Variants in ZNF592 observed in about 807,000 individuals in gnomAD.
ZNF592 encodes spinocerebellar ataxia, autosomal recessive 5.
In ZNF592, 11 loss-of-function variants were observed where a neutral mutation model predicts 80.3. The observed-to-expected ratio is 0.14, with a 90% CI of 0.09 to 0.23. ZNF592 has a LOEUF of 0.23. Among genes scored for constraint, ZNF592 ranks in the 10% least tolerant of loss-of-function variants. The pLI, the probability that ZNF592 is intolerant of heterozygous loss-of-function variation, is 1.00. For synonymous variants in ZNF592, 646 were observed against 640.3 expected (o/e 1.01, Z -0.13); for missense variants, 1,420 against 1,633.9 (o/e 0.87, Z 2.26).
Position 84,799,258 on chromosome 15 carries a change from C to T in ZNF592, c.3137+48C>T, listed in dbSNP as rs1963025348. On this transcript the variant is annotated intron_variant, in intron 9 of 10. Coordinates refer to ENST00000560079, the MANE Select transcript of ZNF592 (RefSeq NM_014630.3). The surrounding 1 kb of genome is among the most constrained non-coding windows in gnomAD (Gnocchi z 4.2). ...GAGGAGGCCTGAGGTTCAAAAGACT[C>T]TGTCCGTGGCACCACTGGGGCTTTT... is the stretch of plus-strand genomic sequence containing the variant. 6.4e-7 allele frequency: 1 copy of T among 1,559,764 alleles called. No homozygotes were observed. Among genetic ancestry groups the T allele is most frequent in the Non-Finnish European group, 8.8e-7 (1 of 1,130,604 alleles).
intron 1 of ZNF592, among the ~76,000 whole-genome samples, chr15:84,752,095 C>CA (rs1173189162): frequency 6.6e-6 from 1 of 152,140 alleles, no homozygotes; most frequent in East Asian, 1.9e-4. Context: ...GAAATATCCA[C>CA]GTTGCATCTC....
chr15:84,754,954 C>A (rs951531657), intron 1 of ZNF592, among the ~76,000 whole-genome samples: 2 of 149,142 alleles, frequency 1.3e-5, no homozygotes, highest in African/African-American at 4.9e-5. Context: ...TATTGCAATC[C>A]CCTGAGTTGT....
chr15:84,755,618 C>T (rs1899147769), intron 1 of ZNF592, among the ~76,000 whole-genome samples: 1 of 152,144 alleles, frequency 6.6e-6, no homozygotes, highest in Non-Finnish European at 1.5e-5. Context: ...GTGGTTTTTA[C>T]TTTATTCTTA....
In ZNF592 at chr15:84,796,041, G is replaced by A. The variant is rs566456234; in HGVS notation, c.2400-1828G>A. ...GTTCAAGACCAGCGCGGCCAACATG[G>A]TGAAACCCCGTCTCTACTAAAAATA... On this transcript the variant is annotated intron_variant, in intron 5 of 10. Coordinates refer to ENST00000560079, the MANE Select transcript of ZNF592 (RefSeq NM_014630.3). Among the ~76,000 whole-genome samples the A allele has an allele frequency of 3.3e-5, 5 of 151,410 alleles. No individual in the cohort carries two copies. In the East Asian group the frequency reaches 9.7e-4, roughly 29 times the overall value.
chr15:84,785,075 A>T (rs1962552401), intron 4 of ZNF592, among the ~76,000 whole-genome samples, 180 bp downstream of exon 4: 1 of 152,174 alleles, frequency 6.6e-6, no homozygotes, highest in Non-Finnish European at 1.5e-5. Flanking sequence ...TCCTGCCCAT[A>T]CTGAGGTGAG....
Position 84,798,797 on chromosome 15 carries a change from C to T in ZNF592, c.2946C>T (p.Gly982=). Residue 982 remains glycine, a synonymous_variant, in exon 8 of 11, where the codon GGC becomes GGT. Transcript: ENST00000560079. This position sits in a 1 kb window ranked among gnomAD's most constrained non-coding sequence, Gnocchi z 4.5. ...CCAGGCCGCGGCTGAGGAACACTGG[C>T]TGGACCTGCCAGGAGTGCCAGGAGT... ...VEARPRLRNT[G]WTCQECQEWV... is the part of the protein sequence containing the mutation. The T allele has an allele frequency of 6.2e-7, 1 of 1,601,788 alleles. No individual in the cohort carries two copies. Among genetic ancestry groups the T allele is most frequent in the South Asian group, 1.1e-5 (1 of 90,992 alleles).
At chr15:84,782,545 G>A in intron 3 of ZNF592, 112 bp from the exon 4 acceptor site, 1 of 995,514 alleles carries the variant, frequency 1.0e-6, no homozygotes. Context: ...ATAGTATGTG[G>A]GGTTCTGCAT....
Position 84,799,232 on chromosome 15 carries a change from T to A in ZNF592, c.3137+22T>A. ...GCGGGTGAGTCCCTGGGGATAGTAG[T>A]GAGGAGGCCTGAGGTTCAAAAGACT... On this transcript the variant is annotated intron_variant, in intron 9 of 10. Coordinates refer to ENST00000560079, the MANE Select transcript of ZNF592 (RefSeq NM_014630.3). This position sits in a 1 kb window ranked among gnomAD's most constrained non-coding sequence, Gnocchi z 4.2. 2 of 1,605,452 alleles carry A rather than the reference T, an allele frequency of 1.2e-6. No individual in the cohort carries two copies. The highest frequency in any genetic ancestry group is 1.7e-6 in the Non-Finnish European group (2 of 1,172,190).
chr15:84,804,601 A>G lies in ZNF592; in HGVS notation c.*2208A>G, dbSNP rs1219856041. On this transcript the variant is annotated 3_prime_UTR_variant, in exon 11 of 11. Coordinates refer to ENST00000560079, the MANE Select transcript of ZNF592 (RefSeq NM_014630.3). ...CAATAGAGTTAGTAATTCCCATCCA[A>G]CTGGCTTCACAGGCTTTTGTGAGCT... 1 of 152,162 alleles carries G rather than the reference A, an allele frequency of 6.6e-6. No individual in the cohort carries two copies. Among genetic ancestry groups the G allele is most frequent in the East Asian group, 1.9e-4 (1 of 5,194 alleles). The allele number at this position is 152,162 out of a possible 1,614,324, so 9.4% of individuals were successfully genotyped here. A position where few individuals can be genotyped will look rare whatever the true frequency, so the allele number is the denominator to read the frequency against.
intron 5 of ZNF592, among the ~76,000 whole-genome samples, chr15:84,791,623 A>G (rs1273747608): frequency 1.3e-5 from 2 of 152,014 alleles, no homozygotes; most frequent in Non-Finnish European, 2.9e-5. Context: ...TGTGTTAGAC[A>G]CTCAGGATAC....
In ZNF592 at chr15:84,791,946, A is replaced by G. The variant is rs143183498; in HGVS notation, c.2399+1063A>G. Among the ~76,000 whole-genome samples the G allele has an allele frequency of 4.0e-3, 603 of 152,348 alleles. 2 individuals carry two copies. Among genetic ancestry groups the G allele is most frequent in the African/African-American group, 0.014 (574 of 41,588 alleles). ...GAGGTCAGACCATGCAAGACCTTGTATTTCTTGGCAGACATTTGGACTTTA... is the reference window on the plus strand; with the variant it reads ...GAGGTCAGACCATGCAAGACCTTGTGTTTCTTGGCAGACATTTGGACTTTA... On this transcript the variant is annotated intron_variant, in intron 5 of 10. Transcript: ENST00000560079.
chr15:84,776,474 G>C (rs1287410454), intron 2 of ZNF592, among the ~76,000 whole-genome samples: 1 of 152,134 alleles, frequency 6.6e-6, no homozygotes, highest in Non-Finnish European at 1.5e-5. Flanking sequence ...AATGATTTTT[G>C]GCTGGGTGCA....
In ZNF592 at chr15:84,784,709, A is replaced by C. The variant is rs1210766465; in HGVS notation, c.2034A>C (p.Ser678=). The change falls in exon 4 of 11, where the codon TCA becomes TCC. Residue 678 remains serine, a synonymous_variant. Transcript: ENST00000560079. The surrounding 1 kb of genome is among the most constrained non-coding windows in gnomAD (Gnocchi z 5.8). ...CGGCACCAGCAGCCCCAGCCCCTTC[A>C]TCCTCTCCCAAACATGGCCTCACTT... ...NSTAPAAPAP[S]SSPKHGLTSG... 6.2e-7 allele frequency: 1 copy of C among 1,613,886 alleles called. No individual in the cohort carries two copies. Among genetic ancestry groups the C allele is most frequent in the Non-Finnish European group, 8.5e-7 (1 of 1,179,996 alleles).
intron 1 of ZNF592, among the ~76,000 whole-genome samples, chr15:84,749,810 T>C (rs1443907847): frequency 2.6e-5 from 4 of 152,156 alleles, no homozygotes; most frequent in Non-Finnish European, 5.9e-5. Context: ...CGTTACACAG[T>C]GAAAGGGGCA....
At position 84,798,327 on chromosome 15, in the gene ZNF592, G is replaced by A. The variant is rs1962982595; in HGVS notation, c.2589G>A (p.Lys863=). The change falls in exon 7 of 11, where the codon AAG becomes AAA. Residue 863 remains lysine (K), a synonymous_variant. Coordinates refer to ENST00000560079, the MANE Select transcript of ZNF592 (RefSeq NM_014630.3). The surrounding 1 kb of genome is among the most constrained non-coding windows in gnomAD (Gnocchi z 4.5). ...QPHRPSQLIY[K]CSCEMVFNKK... is the part of the protein sequence containing the mutation. ...CTTGTCTCATCAGGCTCATTTATAA[G>A]TGCTCCTGTGAAATGGTCTTCAACA... The A allele has an allele frequency of 1.9e-6, 3 of 1,614,108 alleles. No individual in the cohort carries two copies. The highest frequency in any genetic ancestry group is 2.5e-6 in the Non-Finnish European group (3 of 1,180,052).
rs1344683516 is a variant in ZNF592 at position 84,804,497 on chromosome 15, A to G, written c.*2104A>G. ...GGAAAAATGCTGAGCCAGTCCCTGGAAAACCTGGGTCCTGGCCTGGATTCT... is the reference window on the plus strand; with the variant it reads ...GGAAAAATGCTGAGCCAGTCCCTGGGAAACCTGGGTCCTGGCCTGGATTCT... On this transcript the variant is annotated 3_prime_UTR_variant, in exon 11 of 11. Coordinates refer to ENST00000560079, the MANE Select transcript of ZNF592 (RefSeq NM_014630.3). 1 of 152,230 alleles carries G rather than the reference A, an allele frequency of 6.6e-6. No homozygotes were observed. The highest frequency in any genetic ancestry group is 1.5e-5 in the Non-Finnish European group (1 of 68,040). The allele number at this position is 152,230 out of a possible 1,614,324, so 9.4% of individuals were successfully genotyped here. A position where few individuals can be genotyped will look rare whatever the true frequency, so the allele number is the denominator to read the frequency against.
intron 3 of ZNF592, among the ~76,000 whole-genome samples, chr15:84,778,622 C>G (rs1192406698): frequency 6.6e-6 from 1 of 152,184 alleles, no homozygotes; most frequent in Non-Finnish European, 1.5e-5. Context: ...CGGGGCTTTA[C>G]AAGAAACTTT....
intron 1 of ZNF592, among the ~76,000 whole-genome samples, chr15:84,761,452 G>A (rs934087032): frequency 3.9e-5 from 6 of 152,224 alleles, no homozygotes; most frequent in African/African-American, 1.4e-4. Flanking sequence ...ATGGCGGGAT[G>A]CTCCCCAACT....
At position 84,799,272 on chromosome 15, in the gene ZNF592, A is replaced by G. The variant is rs1963025758; in HGVS notation, c.3137+62A>G. ...TTCAAAAGACTCTGTCCGTGGCACC[A>G]CTGGGGCTTTTCTGTGCTGCAAGAT... On this transcript the variant is annotated intron_variant, in intron 9 of 10. Transcript: ENST00000560079. The surrounding 1 kb of genome is among the most constrained non-coding windows in gnomAD (Gnocchi z 4.2). 1.3e-6 allele frequency: 2 copies of G among 1,495,846 alleles called. No homozygotes were observed. The highest frequency in any genetic ancestry group is 3.3e-5 in the Admixed American group (2 of 59,834). The allele number at this position is 1,495,846 out of a possible 1,614,324, so 92.7% of individuals were successfully genotyped here.
Sources: allele counts gnomAD v4.1 joint callset (sites outside exome capture counted in the v4.1 genomes callset), GRCh38; gene constraint gnomAD v4.1.1; non-coding constraint Gnocchi (gnomAD v3.1); transcripts MANE v1.5; gene names NCBI Gene and HGNC (gene_info 2026-07-23, HGNC 2026-07-21).